The following ROBO1 variants were observed in gnomAD, a reference collection of about 807,000 sequenced individuals.
ROBO1 encodes the protein roundabout homolog 1.
A neutral mutation model predicts 195.9 loss-of-function variants in ROBO1; 149 were observed. That is an observed-to-expected ratio of 0.76 (90% CI 0.67 to 0.87). The LOEUF is 0.87. Among genes scored for constraint, ROBO1 ranks in the 40% least tolerant of loss-of-function variants. The pLI, the probability that ROBO1 is intolerant of heterozygous loss-of-function variation, is 0.00. For missense variants in ROBO1, 1,933 were observed against 2,068.3 expected (o/e 0.93, Z 1.27); for synonymous variants, 816 against 733.2 (o/e 1.11, Z -1.82).
chr3:79,127,007 G>GAAA (rs1269968139), intron 2 of ROBO1, among the ~76,000 whole-genome samples: 1 of 104,902 alleles, frequency 9.5e-6, no homozygotes. Flanking sequence ...TGGCTAAAAC[G>GAAA]AAAAAAAAAA....
At chr3:79,267,643 C>T (rs931078689) in intron 2 of ROBO1, among the ~76,000 whole-genome samples, 19 of 150,730 alleles carry the variant, frequency 1.3e-4, no homozygotes, top group African/African-American at 4.1e-4. Context: ...TAAAATAAAT[C>T]TACTTGAAGT....
intron 2 of ROBO1, among the ~76,000 whole-genome samples, chr3:79,237,735 A>G (rs984300750): frequency 1.3e-5 from 2 of 152,116 alleles, no homozygotes; most frequent in Non-Finnish European, 1.5e-5. Context: ...GTTTTTGAGC[A>G]GTCTGTTGCT....
intron 3 of ROBO1, among the ~76,000 whole-genome samples, chr3:78,993,329 C>T (rs2077281351): frequency 6.6e-6 from 1 of 152,118 alleles, no homozygotes; most frequent in African/African-American, 2.4e-5. Flanking sequence ...TCCTACTTAA[C>T]AAGCATACTC....
rs964761014 is a variant in ROBO1 at position 78,990,220 on chromosome 3, C to T, written c.173-51293G>A. 2.6e-5 allele frequency among the ~76,000 whole-genome samples: 4 copies of T among 152,204 alleles called. No homozygotes were observed. The South Asian group carries it at 6.2e-4, about 24-fold the overall frequency. Reference sequence around the variant, plus strand: ...TGTTCTTTCAATCATTGTTGATTGGCGATATGCCATTTTGGTCATACTGAA... The same window carrying T: ...TGTTCTTTCAATCATTGTTGATTGGTGATATGCCATTTTGGTCATACTGAA... On this transcript the variant is annotated intron_variant, in intron 3 of 30. Coordinates refer to ENST00000464233, the MANE Select transcript of ROBO1 (RefSeq NM_002941.4).
intron 2 of ROBO1, among the ~76,000 whole-genome samples, chr3:79,166,628 C>A (rs367710611): frequency 6.7e-6 from 1 of 148,400 alleles, no homozygotes; most frequent in African/African-American, 2.5e-5. Flanking sequence ...TGCAGTGGTG[C>A]AATCTCGGCT....
chr3:78,947,922 G>C (rs551194586), intron 3 of ROBO1, among the ~76,000 whole-genome samples: 54 of 152,264 alleles, frequency 3.5e-4, no homozygotes, highest in Middle Eastern at 3.4e-3. Context: ...AGAAAATCTA[G>C]AAGAAATGGA....
At position 78,837,801 on chromosome 3, in the gene ROBO1, G is replaced by A. The variant is rs188463648; in HGVS notation, c.500-90901C>T. On this transcript the variant is annotated intron_variant, in intron 4 of 30. Transcript: ENST00000464233. The stretch of plus-strand genomic sequence containing the variant: ...GAAAATTGAATTAACAAAAAAATAC[G>A]CAGGGCCAATATAAAGCAACACATA... Among the ~76,000 whole-genome samples the A allele has an allele frequency of 3.9e-5, 6 of 151,990 alleles. No individual in the cohort carries two copies. The East Asian group carries it at 1.2e-3, about 29-fold the overall frequency.
intron 2 of ROBO1, among the ~76,000 whole-genome samples, chr3:79,544,084 T>A (rs888249743): frequency 6.6e-6 from 1 of 151,984 alleles, no homozygotes; most frequent in African/African-American, 2.4e-5. Context: ...CAACTGAGTT[T>A]TCATTAGGCT....
At position 79,722,531 on chromosome 3, in the gene ROBO1, G is replaced by C. The variant is rs76342218; in HGVS notation, c.-51+45221C>G. ...TTATCTAGCATTTTGTTAACCCCGA[G>C]TAGCTGGTCATTCCAGTTAATTATC... On this transcript the variant is annotated intron_variant, in intron 1 of 30. Coordinates refer to ENST00000464233, the MANE Select transcript of ROBO1 (RefSeq NM_002941.4). Among the ~76,000 whole-genome samples the C allele has an allele frequency of 5.3e-3, 800 of 152,246 alleles. 7 individuals are homozygous for C. The highest frequency in any genetic ancestry group is 0.018 in the African/African-American group (768 of 41,528).
At chr3:79,501,739 C>A (rs1204235585) in intron 2 of ROBO1, among the ~76,000 whole-genome samples, 1 of 152,178 alleles carries the variant, frequency 6.6e-6, no homozygotes, top group East Asian at 1.9e-4. Flanking sequence ...ATTACATCCA[C>A]AAAAGGCTTT....
chr3:79,027,967 C>T (rs56046068), intron 3 of ROBO1, among the ~76,000 whole-genome samples: 1,921 of 151,992 alleles, frequency 0.013, 41 homozygotes, highest in African/African-American at 0.042. Flanking sequence ...TCTATTTATA[C>T]GAAGATTTCT....
intron 3 of ROBO1, among the ~76,000 whole-genome samples, chr3:79,053,216 C>G (rs548037366): frequency 6.6e-6 from 1 of 151,792 alleles, no homozygotes; most frequent in South Asian, 2.1e-4. Context: ...CTGAATCTGA[C>G]GACCCTCCAC....
chr3:79,240,350 A>C (rs2108877886), intron 2 of ROBO1, among the ~76,000 whole-genome samples: 1 of 152,306 alleles, frequency 6.6e-6, no homozygotes, highest in African/African-American at 2.4e-5. Context: ...ATGTGGCACA[A>C]ATTTTTGAAG....
At chr3:78,731,561 C>T (rs1247338072) in intron 5 of ROBO1, among the ~76,000 whole-genome samples, 1 of 152,166 alleles carries the variant, frequency 6.6e-6, no homozygotes, top group East Asian at 1.9e-4. Flanking sequence ...ATAGAAAGTA[C>T]ACTATCAGAA....
Position 79,366,447 on chromosome 3 carries a change from T to A in ROBO1, c.88+223377A>T, listed in dbSNP as rs144847846. ...CTAACCCTGTTTCCAGCCTCCTCTT[T>A]CTGACTTTGACATTCACCACTCTAC... is the stretch of plus-strand genomic sequence containing the variant. On this transcript the variant is annotated intron_variant, in intron 2 of 30. Transcript: ENST00000464233. Among the ~76,000 whole-genome samples, 541 of 152,284 alleles carry A rather than the reference T, an allele frequency of 3.6e-3. 2 individuals are homozygous for A. Among genetic ancestry groups the A allele is most frequent in the African/African-American group, 0.012 (517 of 41,562 alleles).
chr3:79,454,275 A>C (rs2039545285), intron 2 of ROBO1, among the ~76,000 whole-genome samples: 1 of 152,032 alleles, frequency 6.6e-6, no homozygotes, highest in Admixed American at 6.6e-5. Flanking sequence ...CAAGAAATAA[A>C]GATAGAAAAA....
At chr3:79,581,766 G>C (rs1014836792) in intron 2 of ROBO1, among the ~76,000 whole-genome samples, 1 of 151,858 alleles carries the variant, frequency 6.6e-6, no homozygotes, top group Non-Finnish European at 1.5e-5. Context: ...TTAAGTAAAA[G>C]CTCAAGAAAC....
chr3:78,857,893 C>T (rs2034551760), intron 4 of ROBO1, among the ~76,000 whole-genome samples: 1 of 152,166 alleles, frequency 6.6e-6, no homozygotes, highest in South Asian at 2.1e-4. Flanking sequence ...AGAAGGATTA[C>T]TTTCAGTAGA....
intron 3 of ROBO1, among the ~76,000 whole-genome samples, chr3:79,088,621 ATCTT>A (rs1228081476): frequency 1.3e-5 from 2 of 152,164 alleles, no homozygotes; most frequent in Admixed American, 6.5e-5. Context: ...CAACAAAAGG[ATCTT>A]TCTTTCACCA....
Sources: allele counts gnomAD v4.1 joint callset (sites outside exome capture counted in the v4.1 genomes callset), GRCh38; gene constraint gnomAD v4.1.1; transcripts MANE v1.5; gene names NCBI Gene and HGNC (gene_info 2026-07-23, HGNC 2026-07-21).